EPHB2: variants seen among roughly 807,000 people sequenced by gnomAD.
The protein encoded by EPHB2 is EPH receptor B2.
EPHB2 carries 18 observed loss-of-function variants against 96.4 expected under a neutral mutation model. The observed-to-expected ratio is 0.19, with a 90% CI of 0.13 to 0.28. The LOEUF (loss-of-function observed/expected upper bound fraction) is 0.28. Among genes scored for constraint, EPHB2 ranks in the 10% least tolerant of loss-of-function variants. The pLI is 1.00. For synonymous variants in EPHB2, 506 were observed against 534.1 expected (o/e 0.95, Z 0.72); for missense variants, 989 against 1,355.4 (o/e 0.73, Z 4.25).
In EPHB2 at chr1:22,896,407, C is replaced by G. The variant is rs1639564390; in HGVS notation, c.1701-7C>G. The G allele has an allele frequency of 1.2e-5, 20 of 1,614,114 alleles. No individual in the cohort carries two copies. Among genetic ancestry groups the G allele is most frequent in the Non-Finnish European group, 1.7e-5 (20 of 1,180,022 alleles). ...GTGGCTCCAGCCCTTTGCTCTTGTT[C>G]CAGAAGACGGGGGTTTGAGCGTGCT... On this transcript the variant is annotated splice_region_variant and splice_polypyrimidine_tract_variant and intron_variant, in intron 8 of 15. Coordinates refer to ENST00000374630, the MANE Select transcript of EPHB2 (RefSeq NM_017449.5).
chr1:22,913,685 G>A lies in EPHB2; in HGVS notation c.*115G>A. The A allele has an allele frequency of 6.2e-7, 1 of 1,603,584 alleles. No individual in the cohort carries two copies. The highest frequency in any genetic ancestry group is 8.5e-7 in the Non-Finnish European group (1 of 1,175,204). ...CCAGCCACTCGCCAGGAGGCCACGG[G>A]CCACGGGAAGAACCAAGCGGTGCCA... On this transcript the variant is annotated 3_prime_UTR_variant, in exon 16 of 16. Coordinates refer to ENST00000374630, the MANE Select transcript of EPHB2 (RefSeq NM_017449.5). This position sits in a 1 kb window ranked among gnomAD's most constrained non-coding sequence, Gnocchi z 4.1.
intron 1 of EPHB2, among the ~76,000 whole-genome samples, chr1:22,762,235 C>T (rs1644245312): frequency 6.6e-6 from 1 of 152,164 alleles, no homozygotes; most frequent in South Asian, 2.1e-4. Flanking sequence ...TTCCAGTTTC[C>T]CAGCTCCCAG....
At chr1:22,863,704 A>G (rs989152000) in intron 4 of EPHB2, among the ~76,000 whole-genome samples, 2 of 152,222 alleles carry the variant, frequency 1.3e-5, no homozygotes, top group Non-Finnish European at 1.5e-5. Context: ...AAGGAGCCCA[A>G]GGTAGACAGT....
In EPHB2 at chr1:22,727,196, A is replaced by G. The variant is rs566456294; in HGVS notation, c.61+16153A>G. Among the ~76,000 whole-genome samples, 50 of 152,374 alleles carry G rather than the reference A, an allele frequency of 3.3e-4. 1 individual carries two copies. The South Asian group carries it at 0.01, about 32-fold the overall frequency. ...AGCAGGGAGAGGCAAGCTGGAGGCCAGGAGGGGCTATATGGGCCTAGCCTC... is the reference window on the plus strand; with the variant it reads ...AGCAGGGAGAGGCAAGCTGGAGGCCGGGAGGGGCTATATGGGCCTAGCCTC... On this transcript the variant is annotated intron_variant, in intron 1 of 15. Transcript: ENST00000374630.
intron 1 of EPHB2, among the ~76,000 whole-genome samples, chr1:22,727,334 A>AAGGGCAGAGTGAACGAGTT (rs1459257244): frequency 2.6e-5 from 4 of 152,268 alleles, no homozygotes; most frequent in African/African-American, 9.6e-5. Context: ...TGGCAGGGAC[A>AAGGGCAGAGTGAACGAGTT]AGGGCAGAGT....
chr1:22,908,000 G>A lies in EPHB2; in HGVS notation c.2184G>A (p.Arg728=). Residue 728 remains arginine, a synonymous_variant, in exon 12 of 16, where the codon CGG becomes CGA. Coordinates refer to ENST00000374630, the MANE Select transcript of EPHB2 (RefSeq NM_017449.5). ...FTVIQLVGML[R]GIAAGMKYLA... ...TCATCCAGCTGGTGGGCATGCTTCG[G>A]GGCATCGCAGCTGGCATGAAGTACC... The A allele has an allele frequency of 6.2e-7, 1 of 1,614,222 alleles. No individual in the cohort carries two copies. Among genetic ancestry groups the A allele is most frequent in the Non-Finnish European group, 8.5e-7 (1 of 1,180,038 alleles).
chr1:22,859,305 G>A lies in EPHB2; in HGVS notation c.812-3732G>A, dbSNP rs796642216. ...GTGTGGGGTGGGCCTGGTGGGGGGG[G>A]GGGTATTGTACCTAGGTGAGTGTGA... is the stretch of plus-strand genomic sequence containing the variant. On this transcript the variant is annotated intron_variant, in intron 3 of 15. Transcript: ENST00000374630. 9.0e-4 allele frequency among the ~76,000 whole-genome samples: 135 copies of A among 149,264 alleles called. 5 individuals are homozygous for A. In the East Asian group the frequency reaches 0.023, roughly 26 times the overall value.
At chr1:22,817,787 G>A (rs2148469696) in intron 3 of EPHB2, among the ~76,000 whole-genome samples, 1 of 152,310 alleles carries the variant, frequency 6.6e-6, no homozygotes, top group Middle Eastern at 3.4e-3. Context: ...AGGGATCCGA[G>A]CCCTTGGACT....
chr1:22,763,359 AC>A (rs1295050214), intron 1 of EPHB2, among the ~76,000 whole-genome samples: 1 of 151,838 alleles, frequency 6.6e-6, no homozygotes, highest in African/African-American at 2.4e-5. Context: ...GCACCAGCCC[AC>A]CCCCACCTGC....
At chr1:22,886,921 C>T (rs1031475093) in intron 6 of EPHB2, among the ~76,000 whole-genome samples, 12 of 151,974 alleles carry the variant, frequency 7.9e-5, no homozygotes, top group African/African-American at 2.4e-4. Context: ...CCACCGCGCC[C>T]GGCCAGCAAA....
chr1:22,837,419 A>T (rs551320218), intron 3 of EPHB2, among the ~76,000 whole-genome samples: 63 of 152,254 alleles, frequency 4.1e-4, no homozygotes, highest in Middle Eastern at 3.4e-3. Context: ...TCACAAGTTT[A>T]TGAGAGGGAT....
intron 3 of EPHB2, among the ~76,000 whole-genome samples, chr1:22,810,548 T>TA (rs1644988623): frequency 6.6e-6 from 1 of 152,198 alleles, no homozygotes; most frequent in Non-Finnish European, 1.5e-5. Context: ...AGGTTGTCCT[T>TA]ACACCTCTGC....
In EPHB2 at chr1:22,733,298, C is replaced by T. The variant is rs1000242371; in HGVS notation, c.61+22255C>T. 6.6e-6 allele frequency among the ~76,000 whole-genome samples: 1 copy of T among 152,116 alleles called. No homozygotes were observed. Among genetic ancestry groups the T allele is most frequent in the Admixed American group, 6.5e-5 (1 of 15,270 alleles). On this transcript the variant is annotated intron_variant, in intron 1 of 15. Coordinates refer to ENST00000374630, the MANE Select transcript of EPHB2 (RefSeq NM_017449.5). The surrounding 1 kb of genome is among the most constrained non-coding windows in gnomAD (Gnocchi z 4.6). Reference sequence around the variant, plus strand: ...TTCTGACCTCAGGTGATTTGCCCACCTCAGCCTTCCAAAGTGCTGGGATTG... The same window carrying T: ...TTCTGACCTCAGGTGATTTGCCCACTTCAGCCTTCCAAAGTGCTGGGATTG...
At chr1:22,856,022 G>T (rs1329208958) in intron 3 of EPHB2, among the ~76,000 whole-genome samples, 2 of 152,128 alleles carry the variant, frequency 1.3e-5, no homozygotes, top group Admixed American at 1.3e-4. Context: ...AGCGCCCTCT[G>T]GTCTACAGAA....
chr1:22,777,591 G>A (rs936051045), intron 1 of EPHB2, among the ~76,000 whole-genome samples: 2 of 152,200 alleles, frequency 1.3e-5, no homozygotes, highest in Admixed American at 6.5e-5. Flanking sequence ...TTTGACTTTT[G>A]TGCTTAGTTT....
chr1:22,900,521 G>C (rs1192760413), intron 9 of EPHB2, among the ~76,000 whole-genome samples: 1 of 152,144 alleles, frequency 6.6e-6, no homozygotes, highest in Non-Finnish European at 1.5e-5. Context: ...TGGAGCAGGG[G>C]TATGAACTCC....
intron 3 of EPHB2, among the ~76,000 whole-genome samples, chr1:22,859,664 G>A (rs760606230): frequency 4.0e-5 from 6 of 151,720 alleles, no homozygotes; most frequent in Admixed American, 1.3e-4. Context: ...ATGGTGGCAC[G>A]CGCCTGTAGT....
chr1:22,915,733 A>C lies in EPHB2; in HGVS notation c.*2163A>C, dbSNP rs1028908194. 6.6e-6 allele frequency: 1 copy of C among 152,238 alleles called. No homozygotes were observed. The highest frequency in any genetic ancestry group is 1.5e-5 in the Non-Finnish European group (1 of 68,070). The allele number at this position is 152,238 out of a possible 1,614,324, so 9.4% of individuals were successfully genotyped here. A position where few individuals can be genotyped will look rare whatever the true frequency, so the allele number is the denominator to read the frequency against. On this transcript the variant is annotated 3_prime_UTR_variant, in exon 16 of 16. Coordinates refer to ENST00000374630, the MANE Select transcript of EPHB2 (RefSeq NM_017449.5). Reference sequence around the variant, plus strand: ...AGCCAACTCTGGTTTTCTCTGTGCAAATGAGCTCTTGCTCACATTAAAATC... The same window carrying C: ...AGCCAACTCTGGTTTTCTCTGTGCACATGAGCTCTTGCTCACATTAAAATC...
intron 3 of EPHB2, among the ~76,000 whole-genome samples, chr1:22,854,357 C>CA (rs1462105842): frequency 6.6e-6 from 1 of 151,870 alleles, no homozygotes; most frequent in Non-Finnish European, 1.5e-5. Flanking sequence ...CAAAATATAC[C>CA]AAAAATTAGC....
Sources: allele counts gnomAD v4.1 joint callset (sites outside exome capture counted in the v4.1 genomes callset), GRCh38; gene constraint gnomAD v4.1.1; non-coding constraint Gnocchi (gnomAD v3.1); transcripts MANE v1.5; gene names NCBI Gene and HGNC (gene_info 2026-07-23, HGNC 2026-07-21).